The following FNDC1 variants were observed in gnomAD, a reference collection of about 807,000 sequenced individuals.
FNDC1 encodes the protein fibronectin type III domain-containing protein 1.
In FNDC1, 96 loss-of-function variants were observed where a neutral mutation model predicts 168.0. The ratio of observed to expected loss-of-function variants is 0.57; its 90% CI spans 0.48 to 0.68. The LOEUF (loss-of-function observed/expected upper bound fraction) is 0.68. Among genes scored for constraint, FNDC1 ranks in the 30% least tolerant of loss-of-function variants. The pLI, the probability that FNDC1 is intolerant of heterozygous loss-of-function variation, is 0.00. For missense variants in FNDC1, 2,587 were observed against 2,482.1 expected (o/e 1.04, Z -0.90); for synonymous variants, 1,099 against 1,025.9 (o/e 1.07, Z -1.36).
Position 159,239,498 on chromosome 6 carries a change from T to C in FNDC1, c.4181-19T>C, listed in dbSNP as rs779121743. The C allele has an allele frequency of 2.9e-5, 45 of 1,564,166 alleles. 1 individual carries two copies. In the South Asian group the frequency reaches 5.3e-4, roughly 19 times the overall value. The stretch of plus-strand genomic sequence containing the variant: ...ATTGCTTCACCTTGTTGCATAGCTA[T>C]TGGTTGATTTTGTTTCAGATCTGGA... On this transcript the variant is annotated intron_variant, in intron 13 of 22. Transcript: ENST00000297267.
chr6:159,177,119 C>T (rs1259640442), intron 1 of FNDC1, among the ~76,000 whole-genome samples: 3 of 152,010 alleles, frequency 2.0e-5, no homozygotes, highest in African/African-American at 7.3e-5. Flanking sequence ...TGGGTCTGTG[C>T]CAAATTCAGT....
intron 12 of FNDC1, among the ~76,000 whole-genome samples, chr6:159,237,266 G>A (rs914883883): frequency 2.0e-5 from 3 of 152,192 alleles, no homozygotes; most frequent in Non-Finnish European, 4.4e-5. Flanking sequence ...TGGCTTGCTT[G>A]CAGGGCTTCC....
At chr6:159,243,968 G>GT (rs1180905684) in intron 14 of FNDC1, among the ~76,000 whole-genome samples, 1 of 152,172 alleles carries the variant, frequency 6.6e-6, no homozygotes, top group Non-Finnish European at 1.5e-5. Flanking sequence ...ATGCACTGGA[G>GT]TATTTCAGCA....
At chr6:159,208,091 A>G (rs538335717) in intron 4 of FNDC1, among the ~76,000 whole-genome samples, 1 of 152,296 alleles carries the variant, frequency 6.6e-6, no homozygotes, top group East Asian at 1.9e-4. Flanking sequence ...TAATGACTCT[A>G]TACACTCACG....
chr6:159,200,551 G>T lies in FNDC1; in HGVS notation c.430G>T (p.Gly144Cys), dbSNP rs1373287669. ...CGAGATTGATGGTTTTCCCATTAAG[G>T]GTCCAGGACCATTTAATGAAACCGT... ...WIEIDGFPIK[G>C]PGPFNETVTE... is the part of the protein sequence containing the mutation. Residue 144 changes from glycine (G) to cysteine (C), a missense_variant, in exon 4 of 23, where the codon GGT (glycine) becomes TGT (cysteine). Transcript: ENST00000297267. The T allele has an allele frequency of 1.3e-6, 2 of 1,598,940 alleles. No homozygotes were observed. The highest frequency in any genetic ancestry group is 4.5e-5 in the East Asian group (2 of 44,600).
intron 10 of FNDC1, 89 bp downstream of exon 10, chr6:159,230,092 G>A: frequency 2.5e-6 from 3 of 1,221,214 alleles, no homozygotes; most frequent in Non-Finnish European, 3.4e-6. Context: ...CTTGGGTTTG[G>A]AACTGCTCAG....
rs777837479 is a variant in FNDC1, at chr6:159,197,646, G to A, written c.304+21G>A. Reference sequence around the variant, plus strand: ...TGTGGGTAAGTGACACTCTGATCTTGTTCCCAGTCAGAATTAACTGTGCAC... The same window carrying A: ...TGTGGGTAAGTGACACTCTGATCTTATTCCCAGTCAGAATTAACTGTGCAC... On this transcript the variant is annotated intron_variant, in intron 2 of 22. Transcript: ENST00000297267. 3.1e-6 allele frequency: 5 copies of A among 1,591,388 alleles called. No homozygotes were observed. The South Asian group carries it at 5.7e-5, about 18-fold the overall frequency.
chr6:159,224,585 G>A (rs984193165), intron 7 of FNDC1, among the ~76,000 whole-genome samples: 4 of 152,152 alleles, frequency 2.6e-5, no homozygotes, highest in East Asian at 3.9e-4. Context: ...CAGAAGATTC[G>A]TAGCAATTCT....
intron 2 of FNDC1, among the ~76,000 whole-genome samples, chr6:159,198,921 T>C (rs1441343260): frequency 6.6e-6 from 1 of 152,234 alleles, no homozygotes; most frequent in Non-Finnish European, 1.5e-5. Context: ...CACCAGGCCC[T>C]GCCACAGTGA....
In FNDC1 at chr6:159,239,620, T is replaced by C. The variant is rs753577379; in HGVS notation, c.4284T>C (p.Ser1428=). The part of the protein sequence containing the change: ...LANAQDKPIL[S]LGGKPLVGLE... ...ATGCCCAAGATAAGCCAATTTTGAGTCTTGGAGGAAAGCCGCTGGTGGGCT... is the reference window on the plus strand; with the variant it reads ...ATGCCCAAGATAAGCCAATTTTGAGCCTTGGAGGAAAGCCGCTGGTGGGCT... The change falls in exon 14 of 23, where the codon AGT becomes AGC. Residue 1428 remains serine (S), a synonymous_variant. Coordinates refer to ENST00000297267, the MANE Select transcript of FNDC1 (RefSeq NM_032532.3). 2 of 1,569,330 alleles carry C rather than the reference T, an allele frequency of 1.3e-6. No homozygotes were observed. The highest frequency in any genetic ancestry group is 2.7e-5 in the African/African-American group (2 of 73,864).
intron 1 of FNDC1, among the ~76,000 whole-genome samples, chr6:159,195,503 T>C (rs139850011): frequency 1.2e-4 from 18 of 152,276 alleles, no homozygotes; most frequent in African/African-American, 2.9e-4. Flanking sequence ...CGATCATTGA[T>C]AATAAGAGAC....
rs1481196247 is a variant in FNDC1, at chr6:159,269,483, T to C, written c.5569+1557T>C. On this transcript the variant is annotated intron_variant, in intron 22 of 22. Transcript: ENST00000297267. The stretch of plus-strand genomic sequence containing the variant: ...CTATCTATCTATCTATCTATCTATC[T>C]ATCTATCTATCTATCTATCCATCCA... Among the ~76,000 whole-genome samples, 448 of 125,956 alleles carry C rather than the reference T, an allele frequency of 3.6e-3. 1 individual carries two copies. Among genetic ancestry groups the C allele is most frequent in the African/African-American group, 0.013 (393 of 29,998 alleles). The allele number at this position is 125,956 out of a possible 152,430, so 82.6% of individuals were successfully genotyped here. A position where few individuals can be genotyped will look rare whatever the true frequency, so the allele number is the denominator to read the frequency against.
At position 159,272,059 on chromosome 6, in the gene FNDC1, G is replaced by C. The variant is rs891080681; in HGVS notation, c.*617G>C. On this transcript the variant is annotated 3_prime_UTR_variant, in exon 23 of 23. Coordinates refer to ENST00000297267, the MANE Select transcript of FNDC1 (RefSeq NM_032532.3). The stretch of plus-strand genomic sequence containing the variant: ...TATATGCATATACATATCCACACTT[G>C]TCTGCAAGAATATTGATTAAAATTG... The C allele has an allele frequency of 6.6e-6, 1 of 152,046 alleles. No homozygotes were observed. The highest frequency in any genetic ancestry group is 6.5e-5 in the Admixed American group (1 of 15,280). 9.4% of individuals were successfully genotyped at this position (152,046 alleles called of 1,614,324 possible).
chr6:159,261,221 C>A lies in FNDC1; in HGVS notation c.5206C>A (p.His1736Asn). The A allele has an allele frequency of 6.2e-7, 1 of 1,613,256 alleles. No individual in the cohort carries two copies. The highest frequency in any genetic ancestry group is 8.5e-7 in the Non-Finnish European group (1 of 1,179,542). Residue 1736 changes from histidine to asparagine, a missense_variant, in exon 19 of 23, where the codon CAT (histidine) becomes AAT (asparagine). Transcript: ENST00000297267. ...TTTTAAAGTGCAAGCACAAAATCCT[C>A]ATGGCTACGGACCTATCAGCCCTTC... ...YYFKVQAQNPHGYGPISPSVS... is the reference protein window; with the variant it reads ...YYFKVQAQNPNGYGPISPSVS...
At chr6:159,215,809 C>T (rs932660467) in intron 5 of FNDC1, among the ~76,000 whole-genome samples, 1 of 152,140 alleles carries the variant, frequency 6.6e-6, no homozygotes, top group African/African-American at 2.4e-5. Context: ...TCTCTCTTTT[C>T]ACATTTTTCT....
intron 2 of FNDC1, among the ~76,000 whole-genome samples, chr6:159,198,058 G>A (rs563362331): frequency 8.5e-5 from 13 of 152,292 alleles, no homozygotes; most frequent in East Asian, 1.9e-4. Context: ...GCCTAGCCAC[G>A]TCTGGTTAAA....
chr6:159,186,471 A>C (rs1313016242), intron 1 of FNDC1, among the ~76,000 whole-genome samples: 4 of 152,128 alleles, frequency 2.6e-5, no homozygotes, highest in Non-Finnish European at 5.9e-5. Flanking sequence ...GGAGGTTGGG[A>C]GCCAATTCCT....
In FNDC1 at chr6:159,233,245, A is replaced by G. The variant is rs1401811813; in HGVS notation, c.2733A>G (p.Arg911=). The change falls in exon 11 of 23, where the codon AGA becomes AGG. Residue 911 remains arginine (R), a synonymous_variant. Coordinates refer to ENST00000297267, the MANE Select transcript of FNDC1 (RefSeq NM_032532.3). The surrounding 1 kb of genome is among the most constrained non-coding windows in gnomAD (Gnocchi z 4.6). ...PISRGWEDLR[R]SPQRGASLHR... ...CCCGGGGCTGGGAGGACTTAAGGAG[A>G]AGCCCGCAGAGAGGGGCCAGCCTGC... 6.2e-7 allele frequency: 1 copy of G among 1,613,780 alleles called. No homozygotes were observed. The highest frequency in any genetic ancestry group is 8.5e-7 in the Non-Finnish European group (1 of 1,179,866).
At chr6:159,270,473 T>G (rs1021745138) in intron 22 of FNDC1, among the ~76,000 whole-genome samples, 1 of 152,214 alleles carries the variant, frequency 6.6e-6, no homozygotes, top group African/African-American at 2.4e-5. Flanking sequence ...TACTAGTGCC[T>G]GCATTATCCA....
Sources: allele counts gnomAD v4.1 joint callset (sites outside exome capture counted in the v4.1 genomes callset), GRCh38; gene constraint gnomAD v4.1.1; non-coding constraint Gnocchi (gnomAD v3.1); transcripts MANE v1.5; gene names NCBI Gene and HGNC (gene_info 2026-07-23, HGNC 2026-07-21).